CHRDL2: variants seen among roughly 807,000 people sequenced by gnomAD.
The protein encoded by CHRDL2 is chordin like 2.
Under a neutral mutation model 54.3 loss-of-function variants are expected in CHRDL2, and 41 were observed. The ratio of observed to expected loss-of-function variants is 0.76; its 90% CI spans 0.59 to 0.98. The LOEUF is 0.98. Among genes scored for constraint, CHRDL2 ranks in the 50% least tolerant of loss-of-function variants. CHRDL2 has a pLI of 0.00. For missense variants in CHRDL2, 518 were observed against 562.4 expected, an observed-to-expected ratio of 0.92 and a Z score of 0.80; for synonymous variants, 220 against 224.3, an observed-to-expected ratio of 0.98 and a Z score of 0.17.
At chr11:74,698,811 C>T (rs897059306) in intron 9 of CHRDL2, 13 of 152,286 alleles carry the variant, frequency 8.5e-5, no homozygotes, top group African/African-American at 2.9e-4. Context: ...GTGCTGGCCA[C>T]TGGCACCACA....
intron 10 of CHRDL2, among the ~76,000 whole-genome samples, chr11:74,696,947 G>A (rs935939297): frequency 6.6e-6 from 1 of 152,154 alleles, no homozygotes; most frequent in Admixed American, 6.5e-5. Context: ...CAGGTTTGGG[G>A]GCTCAGACCT....
chr11:74,696,621 T>C, intron 10 of CHRDL2, 36 bp from the exon 11 acceptor site: 2 of 1,481,368 alleles, frequency 1.4e-6, no homozygotes, highest in Non-Finnish European at 1.9e-6. Flanking sequence ...AAGAGGCGTA[T>C]GTGTCTGCAC....
chr11:74,708,478 G>T (rs2034086495), intron 4 of CHRDL2, 83 bp from the exon 5 acceptor site: 3 of 1,054,402 alleles, frequency 2.8e-6, no homozygotes, highest in Non-Finnish European at 2.7e-6. Context: ...TTCCCTGGGA[G>T]CAAATGGCCT....
intron 1 of CHRDL2, among the ~76,000 whole-genome samples, chr11:74,728,788 G>A (rs1236799996): frequency 6.6e-6 from 1 of 152,200 alleles, no homozygotes; most frequent in African/African-American, 2.4e-5. Context: ...GGTAGAAGCA[G>A]ATGGTTTTTG....
At position 74,703,433 on chromosome 11, in the gene CHRDL2, C is replaced by T; in HGVS notation, c.818G>A (p.Gly273Asp). The change falls in exon 8 of 11, where the codon GGC becomes GAC. Residue 273 changes from glycine to aspartate, a missense_variant. Gly to Asp is a moderately conservative substitution (Grantham distance 94). Transcript: ENST00000376332. The part of the protein sequence containing the change: ...EVWHPAFRAF[G>D]PLPCILCTCE... ...GGTGCATAGGATGCAGGGCAAGGGG[C>T]CGAAGGCACGGAAGGCCGGGTGCCA... is the stretch of plus-strand genomic sequence containing the variant. 6.2e-7 allele frequency: 1 copy of T among 1,613,190 alleles called. No individual in the cohort carries two copies. The highest frequency in any genetic ancestry group is 8.5e-7 in the Non-Finnish European group (1 of 1,179,602).
Position 74,704,575 on chromosome 11 carries a change from G to T in CHRDL2, c.662C>A (p.Ala221Asp), listed in dbSNP as rs774948161. 6.3e-7 allele frequency: 1 copy of T among 1,591,622 alleles called. No individual in the cohort carries two copies. Among genetic ancestry groups the T allele is most frequent in the East Asian group, 2.3e-5 (1 of 43,832 alleles). Reference protein sequence around the residue: ...PGTPAPTGLSAPLSFIPRHFR... With the variant: ...PGTPAPTGLSDPLSFIPRHFR... Reference sequence around the variant, plus strand: ...GTGGCGAGGGATGAAGCTCAGAGGGGCGCTGAGGCCAGTGGGGGCTGGGGT... The same window carrying T: ...GTGGCGAGGGATGAAGCTCAGAGGGTCGCTGAGGCCAGTGGGGGCTGGGGT... Residue 221 changes from alanine (A) to aspartate (D), a missense_variant, in exon 7 of 11, where the codon GCC becomes GAC. Ala to Asp is a moderately radical substitution (Grantham distance 126). Transcript: ENST00000376332.
At chr11:74,729,518 A>G (rs1205611706) in intron 1 of CHRDL2, among the ~76,000 whole-genome samples, 1 of 152,238 alleles carries the variant, frequency 6.6e-6, no homozygotes, top group African/African-American at 2.4e-5. Context: ...TACTTGTTCT[A>G]TGTAATGGAA....
chr11:74,716,540 C>CAAAAAAAA lies in CHRDL2; in HGVS notation c.195+2172_195+2179dup, dbSNP rs751918696. On this transcript the variant is annotated intron_variant, in intron 2 of 10. Transcript: ENST00000376332. ...CCTGGTGACAGCATGACTCCATCTC[C>CAAAAAAAA]AAAAAAAAAAAAAAAAAAAGAAAGA... 4.0e-4 allele frequency among the ~76,000 whole-genome samples: 23 copies of CAAAAAAAA among 57,654 alleles called. 1 individual carries two copies. The highest frequency in any genetic ancestry group is 1.4e-3 in the African/African-American group (20 of 14,336). 37.8% of individuals were successfully genotyped at this position (57,654 alleles called of 152,430 possible). A position where few individuals can be genotyped will look rare whatever the true frequency, so the allele number is the denominator to read the frequency against.
Position 74,708,336 on chromosome 11 carries a change from G to A in CHRDL2, c.492C>T (p.Leu164=). 1.3e-6 allele frequency: 2 copies of A among 1,581,034 alleles called. No homozygotes were observed. The highest frequency in any genetic ancestry group is 1.7e-6 in the Non-Finnish European group (2 of 1,167,770). ...TCPEPGCPAP[L]PLPDSCCQAC... The stretch of plus-strand genomic sequence containing the variant: ...CCTGGCAGCAGGAGTCTGGCAGCGG[G>A]AGGGGTGCTGGGCAGCCTGGTTCGG... The change falls in exon 5 of 11, where the codon CTC becomes CTT. Residue 164 remains leucine (L), a synonymous_variant. Transcript: ENST00000376332.
chr11:74,708,039 C>A (rs185637256), intron 5 of CHRDL2, among the ~76,000 whole-genome samples: 31 of 152,286 alleles, frequency 2.0e-4, no homozygotes, highest in Admixed American at 6.5e-4. Flanking sequence ...TGGACATATT[C>A]CTGTATTGCT....
In CHRDL2 at chr11:74,710,881, G is replaced by C; in HGVS notation, c.400C>G (p.Leu134Val). Reference protein sequence around the residue: ...FSAHELFPSRLPNQCVLCSCT... With the variant: ...FSAHELFPSRVPNQCVLCSCT... ...CTGCAGAGGACACACTGGTTGGGCA[G>C]GCGGGAGGGGAACAGCTCATGGGCA... Residue 134 changes from leucine to valine, a missense_variant, in exon 4 of 11, where the codon CTG (leucine) becomes GTG (valine). Leu to Val is a conservative substitution (Grantham distance 32, BLOSUM62 1). Coordinates refer to ENST00000376332, the MANE Select transcript of CHRDL2 (RefSeq NM_001278473.3). 1 of 1,614,172 alleles carries C rather than the reference G, an allele frequency of 6.2e-7. No homozygotes were observed. Among genetic ancestry groups the C allele is most frequent in the South Asian group, 1.1e-5 (1 of 91,066 alleles).
Position 74,718,732 on chromosome 11 carries a change from A to T in CHRDL2, c.183T>A (p.Cys61Ter), listed in dbSNP as rs1270145614. 3.7e-6 allele frequency: 6 copies of T among 1,612,098 alleles called. No homozygotes were observed. Among genetic ancestry groups the T allele is most frequent in the Non-Finnish European group, 5.1e-6 (6 of 1,178,616 alleles). Residue 61 changes from cysteine to a stop codon, truncating the protein, a stop_gained, in exon 2 of 11, where the codon TGT (cysteine) becomes TGA (stop). Coordinates refer to ENST00000376332, the MANE Select transcript of CHRDL2 (RefSeq NM_001278473.3). LOFTEE classifies it high-confidence loss of function. Reference sequence around the variant, plus strand: ...CAGAGGAACCTACCTCTGAGCAGGTACAGCGCAGGCAGTACATCAGGCCTT... The same window carrying T: ...CAGAGGAACCTACCTCTGAGCAGGTTCAGCGCAGGCAGTACATCAGGCCTT... ...EPQGLMYCLR[C>*]TCSEGAHVSC...
chr11:74,729,844 T>G (rs2034625113), intron 1 of CHRDL2, among the ~76,000 whole-genome samples: 1 of 152,056 alleles, frequency 6.6e-6, no homozygotes, highest in African/African-American at 2.4e-5. Flanking sequence ...TGGCTGGGCA[T>G]GGGGAGGGGG....
intron 1 of CHRDL2, among the ~76,000 whole-genome samples, chr11:74,729,893 G>T (rs2034626160): frequency 6.6e-6 from 1 of 152,174 alleles, no homozygotes; most frequent in Admixed American, 6.5e-5. Flanking sequence ...GGAAACTGAG[G>T]CTCAGATTGA....
intron 9 of CHRDL2, chr11:74,699,656 A>C (rs1164646191): frequency 6.6e-6 from 1 of 152,232 alleles, no homozygotes. Flanking sequence ...TTAGAATCTA[A>C]AAGGCCCTTA....
At chr11:74,705,233 C>T (rs2033970969) in intron 6 of CHRDL2, among the ~76,000 whole-genome samples, 1 of 152,168 alleles carries the variant, frequency 6.6e-6, no homozygotes, top group African/African-American at 2.4e-5. Context: ...CCTGTCCCTC[C>T]AGACCAGGTC....
chr11:74,703,245 G>A (rs1244819854), intron 8 of CHRDL2, 60 bp downstream of exon 8: 3 of 1,509,806 alleles, frequency 2.0e-6, no homozygotes, highest in East Asian at 4.6e-5. Flanking sequence ...TGGCCCTGGG[G>A]AGAGAGACCC....
chr11:74,713,554 T>C (rs752559908), intron 2 of CHRDL2, 75 bp from the exon 3 acceptor site: 213 of 1,163,830 alleles, frequency 1.8e-4, no homozygotes, highest in Non-Finnish European at 9.5e-5. Context: ...TTCCCAAAAC[T>C]CCCACCCCAA....
At chr11:74,716,574 G>GAAAAC (rs1554986950) in intron 2 of CHRDL2, among the ~76,000 whole-genome samples, 39 of 145,886 alleles carry the variant, frequency 2.7e-4, no homozygotes, top group African/African-American at 8.8e-4. Context: ...GAAAAGAAAA[G>GAAAAC]AAATTGGAGA....
Sources: gnomAD v4.1 joint callset for allele counts (sites outside exome capture counted in the v4.1 genomes callset) on GRCh38, gnomAD v4.1.1 for gene constraint, MANE v1.5 for transcripts, NCBI Gene and HGNC (gene_info 2026-07-23, HGNC 2026-07-21) for gene names.